The following PLEKHG1 variants were observed in gnomAD, a reference collection of about 807,000 sequenced individuals.
PLEKHG1 encodes the protein pleckstrin homology domain-containing family G member 1.
A neutral mutation model predicts 100.8 loss-of-function variants in PLEKHG1; 44 were observed. The ratio of observed to expected loss-of-function variants is 0.44; its 90% confidence interval spans 0.34 to 0.56. The LOEUF (loss-of-function observed/expected upper bound fraction) is 0.56, where lower values mean the gene tolerates loss of function less well. Ranked by LOEUF, PLEKHG1 falls within the 20% of genes least tolerant of loss-of-function variation. The pLI, the probability that PLEKHG1 is intolerant of heterozygous loss-of-function variation, is 0.01. For synonymous variants in PLEKHG1, 640 were observed against 662.5 expected (o/e 0.97, Z 0.52); for missense variants, 1,545 against 1,720.9 (o/e 0.90, Z 1.81).
At chr6:150,775,891 A>G (rs894209907) in intron 3 of PLEKHG1, among the ~76,000 whole-genome samples, 8 of 152,138 alleles carry the variant, frequency 5.3e-5, no homozygotes, top group African/African-American at 1.7e-4. Context: ...GTGCCTGGAA[A>G]GTATGAGTGA....
chr6:150,713,214 G>T (rs539601646), intron 3 of PLEKHG1, among the ~76,000 whole-genome samples: 7 of 152,148 alleles, frequency 4.6e-5, no homozygotes, highest in African/African-American at 1.7e-4. Context: ...CAACAGAGGG[G>T]TATTTAAGGC....
chr6:150,698,123 G>A (rs973977141), intron 3 of PLEKHG1, among the ~76,000 whole-genome samples: 1 of 152,152 alleles, frequency 6.6e-6, no homozygotes, highest in Non-Finnish European at 1.5e-5. Context: ...GATATTTGGG[G>A]GATGGGACCC....
At chr6:150,716,123 G>GA (rs1379966479), upstream of PLEKHG1, among the ~76,000 whole-genome samples, 7 of 121,070 alleles carry the variant, frequency 5.8e-5, no homozygotes, top group African/African-American at 2.1e-4. Context: ...AAAAAAAAAA[G>GA]AAAAGAAAAT....
At chr6:150,811,076 CTCGGGAG>C (rs1562540889) in intron 10 of PLEKHG1, among the ~76,000 whole-genome samples, 1 of 152,058 alleles carries the variant, frequency 6.6e-6, no homozygotes, top group Non-Finnish European at 1.5e-5. Context: ...CATGAGGGTG[CTCGGGAG>C]ACAAGATACA....
At chr6:150,816,748 G>T (rs1448854063) in intron 10 of PLEKHG1, among the ~76,000 whole-genome samples, 1 of 152,164 alleles carries the variant, frequency 6.6e-6, no homozygotes, top group Non-Finnish European at 1.5e-5. Context: ...ACAGGGTTTT[G>T]ATATGAATCT....
chr6:150,634,249 C>A (rs537254724), intron 1 of PLEKHG1, among the ~76,000 whole-genome samples: 1,778 of 108,906 alleles, frequency 0.016, 46 homozygotes, highest in African/African-American at 0.069. Flanking sequence ...GATCTCCCCC[C>A]CAAAAAAAAA....
chr6:150,836,131 C>T (rs1230155490), intron 15 of PLEKHG1, among the ~76,000 whole-genome samples: 2 of 152,130 alleles, frequency 1.3e-5, no homozygotes, highest in African/African-American at 4.8e-5. Flanking sequence ...AATCCCAGCA[C>T]TTTGGGAGGC....
chr6:150,829,347 C>G (rs1776785107), intron 14 of PLEKHG1, among the ~76,000 whole-genome samples: 1 of 152,196 alleles, frequency 6.6e-6, no homozygotes, highest in African/African-American at 2.4e-5. Context: ...GGTGCAGTGG[C>G]TCAGGCCTAT....
chr6:150,796,912 G>A lies in PLEKHG1; in HGVS notation c.629+1010G>A, dbSNP rs114682739. ...TCCTTTGAAAAGTTTCTGAAACTTTGTGATTCTCCCCCTGCCTTTTTATTT... is the reference window on the plus strand; with the variant it reads ...TCCTTTGAAAAGTTTCTGAAACTTTATGATTCTCCCCCTGCCTTTTTATTT... On this transcript the variant is annotated intron_variant, in intron 5 of 15. Coordinates refer to ENST00000358517, the Ensembl canonical transcript of PLEKHG1. Among the ~76,000 whole-genome samples the A allele has an allele frequency of 6.4e-3, 976 of 152,272 alleles. 11 individuals carry two copies. Among genetic ancestry groups the A allele is most frequent in the African/African-American group, 0.022 (923 of 41,548 alleles).
intron 10 of PLEKHG1, among the ~76,000 whole-genome samples, chr6:150,813,297 T>G (rs1787649864): frequency 8.1e-6 from 1 of 123,052 alleles, no homozygotes; most frequent in Non-Finnish European, 1.7e-5. Context: ...AGAGTGAGAC[T>G]CTGTCTCAAA....
In PLEKHG1 at chr6:150,837,229, G is replaced by A. The variant is rs534715272; in HGVS notation, c.3095-2604G>A. ...TTAGCAACACAGCAATACAAATTGT[G>A]TGTGTCTGCATGTGTGTGTGTGTGC... On this transcript the variant is annotated intron_variant, in intron 15 of 15. Transcript: ENST00000358517. Among the ~76,000 whole-genome samples, 67 of 150,812 alleles carry A rather than the reference G, an allele frequency of 4.4e-4. 2 individuals carry two copies. The South Asian group carries it at 0.01, about 23-fold the overall frequency.
intron 1 of PLEKHG1, chr6:150,624,554 T>A (rs192884350): frequency 7.2e-5 from 11 of 152,356 alleles, no homozygotes; most frequent in Admixed American, 7.2e-4. Flanking sequence ...TCGTGATGGC[T>A]CCTGGAGGCA....
intron 3 of PLEKHG1, among the ~76,000 whole-genome samples, chr6:150,776,671 T>G (rs111526807): frequency 2.2e-5 from 3 of 135,422 alleles, no homozygotes; most frequent in African/African-American, 3.1e-5. Flanking sequence ...GGTTGCACAT[T>G]ACTCACACTG....
intron 1 of PLEKHG1, among the ~76,000 whole-genome samples, chr6:150,635,614 C>T (rs181081658): frequency 6.6e-6 from 1 of 152,302 alleles, no homozygotes; most frequent in East Asian, 1.9e-4. Flanking sequence ...TAGTTATTAT[C>T]ACATGCATTT....
At chr6:150,827,864 T>A in intron 14 of PLEKHG1, 2 of 1,455,910 alleles carry the variant, frequency 1.4e-6, no homozygotes, top group Non-Finnish European at 1.9e-6. Context: ...ATGAGGAGGA[T>A]GAATGTGCTA....
chr6:150,634,283 A>G (rs528177817), intron 1 of PLEKHG1, among the ~76,000 whole-genome samples: 45 of 152,036 alleles, frequency 3.0e-4, no homozygotes, highest in Non-Finnish European at 5.0e-4. Context: ...GGAAGAAGAA[A>G]AAAAAAAGAA....
At chr6:150,809,314 G>A in intron 8 of PLEKHG1, 27 bp downstream of exon 9, 1 of 1,611,766 alleles carries the variant, frequency 6.2e-7, no homozygotes, top group Non-Finnish European at 8.5e-7. Flanking sequence ...GCCATGGGCA[G>A]GGACTCAGAT....
At chr6:150,785,046 A>AAAAG (rs1554273274) in intron 3 of PLEKHG1, among the ~76,000 whole-genome samples, 1 of 151,760 alleles carries the variant, frequency 6.6e-6, no homozygotes, top group Non-Finnish European at 1.5e-5. Context: ...AAAAAAAAAA[A>AAAAG]AGAGAGAGAG....
chr6:150,602,960 A>G (rs948247704), intron 1 of PLEKHG1, among the ~76,000 whole-genome samples: 6 of 151,922 alleles, frequency 3.9e-5, no homozygotes, highest in Non-Finnish European at 7.4e-5. Context: ...GGGCACCTGT[A>G]GTCCCAGCTA....
Sources: allele counts gnomAD v4.1 joint callset (sites outside exome capture counted in the v4.1 genomes callset), GRCh38; gene constraint gnomAD v4.1.1; transcripts MANE v1.5; gene names NCBI Gene and HGNC (gene_info 2026-07-23, HGNC 2026-07-21).